EYS: variants seen among roughly 807,000 people sequenced by gnomAD.
The protein encoded by EYS is EGF-like photoreceptor maintenance factor, also known as protein eyes shut homolog.
A neutral mutation model predicts 282.1 loss-of-function variants in EYS; 250 were observed. The ratio of observed to expected loss-of-function variants is 0.89; its 90% confidence interval spans 0.80 to 0.98. The LOEUF (loss-of-function observed/expected upper bound fraction) is 0.98, where lower values mean the gene tolerates loss of function less well. Among genes scored for constraint, EYS ranks in the 50% least tolerant of loss-of-function variants. The probability of loss-of-function intolerance (pLI) is 0.00; values close to 1 mark genes in which losing one functional copy is unlikely to be tolerated. For missense variants in EYS, 4,016 were observed against 3,709.0 expected (o/e 1.08, Z -2.15); for synonymous variants, 1,355 against 1,282.9 (o/e 1.06, Z -1.20).
intron 29 of EYS, among the ~76,000 whole-genome samples, chr6:64,339,864 T>C (rs927425638): frequency 1.3e-5 from 2 of 151,524 alleles, no homozygotes; most frequent in Admixed American, 6.6e-5. Flanking sequence ...CACAAAGGCA[T>C]AGGAATGATA....
intron 31 of EYS, among the ~76,000 whole-genome samples, chr6:64,153,460 T>C (rs1184918813): frequency 6.6e-6 from 1 of 152,156 alleles, no homozygotes; most frequent in Non-Finnish European, 1.5e-5. Context: ...TCTGTTTTCA[T>C]TGGAATACAC....
At chr6:64,902,045 A>G (rs371575344) in intron 18 of EYS, 68 bp downstream of exon 18, 1 of 1,021,614 alleles carries the variant, frequency 9.8e-7, no homozygotes, top group Non-Finnish European at 1.4e-6. Flanking sequence ...TAATGAGCAC[A>G]TGTGTGCTCA....
intron 11 of EYS, among the ~76,000 whole-genome samples, chr6:65,314,218 T>C (rs566411323): frequency 6.6e-6 from 1 of 151,666 alleles, no homozygotes; most frequent in African/African-American, 2.4e-5. Context: ...GATCACCCCA[T>C]TTAAAATCGA....
intron 36 of EYS, among the ~76,000 whole-genome samples, chr6:63,841,451 G>C (rs1297604059): frequency 6.6e-6 from 1 of 151,990 alleles, no homozygotes. Flanking sequence ...CTATAAAATG[G>C]GGATAATAGT....
chr6:64,204,854 C>A (rs2150324213), intron 31 of EYS, among the ~76,000 whole-genome samples: 1 of 152,170 alleles, frequency 6.6e-6, no homozygotes, highest in African/African-American at 2.4e-5. Context: ...CTCAAAGAAA[C>A]AATTTGCAAG....
intron 29 of EYS, among the ~76,000 whole-genome samples, chr6:64,351,654 G>T (rs2150403621): frequency 6.6e-6 from 1 of 151,560 alleles, no homozygotes; most frequent in East Asian, 2.0e-4. Flanking sequence ...ATTTGCTTCA[G>T]TGGACTACAA....
intron 2 of EYS, among the ~76,000 whole-genome samples, chr6:65,633,467 C>A (rs1766987681): frequency 6.6e-6 from 1 of 152,160 alleles, no homozygotes; most frequent in African/African-American, 2.4e-5. Context: ...TCATTTAATT[C>A]TCCCACTAAT....
At chr6:63,932,023 C>A (rs748886252) in intron 35 of EYS, among the ~76,000 whole-genome samples, 1 of 151,968 alleles carries the variant, frequency 6.6e-6, no homozygotes, top group Non-Finnish European at 1.5e-5. Context: ...TGAGAACATG[C>A]GGTTTCTATA....
At chr6:63,861,623 G>A (rs143750484) in intron 36 of EYS, among the ~76,000 whole-genome samples, 125 of 152,226 alleles carry the variant, frequency 8.2e-4, no homozygotes, top group African/African-American at 2.8e-3. Flanking sequence ...GAGTGTTTAT[G>A]TGCCCCCTAG....
intron 29 of EYS, among the ~76,000 whole-genome samples, chr6:64,383,725 T>C (rs1772821888): frequency 1.3e-5 from 2 of 152,270 alleles, no homozygotes; most frequent in Middle Eastern, 3.4e-3. Context: ...GGACAGAAAA[T>C]GAGGACAGGG....
At chr6:64,555,317 G>T (rs984096276) in intron 26 of EYS, among the ~76,000 whole-genome samples, 5 of 151,794 alleles carry the variant, frequency 3.3e-5, no homozygotes, top group Non-Finnish European at 5.9e-5. Flanking sequence ...CTTTGAAGGG[G>T]TAGAGAGGAG....
At chr6:64,500,753 A>T (rs1045614433) in intron 26 of EYS, among the ~76,000 whole-genome samples, 7 of 152,110 alleles carry the variant, frequency 4.6e-5, no homozygotes, top group African/African-American at 1.2e-4. Context: ...CAGAGACTTA[A>T]ATGGATTATT....
chr6:64,165,047 T>A (rs1207586616), intron 31 of EYS, among the ~76,000 whole-genome samples: 1 of 152,124 alleles, frequency 6.6e-6, no homozygotes, highest in Admixed American at 6.6e-5. Flanking sequence ...ACATTTCTAG[T>A]AAAAATGACG....
At chr6:63,955,505 C>T (rs1396051067) in intron 35 of EYS, among the ~76,000 whole-genome samples, 2 of 152,092 alleles carry the variant, frequency 1.3e-5, no homozygotes, top group South Asian at 2.1e-4. Flanking sequence ...TCTACCTCTC[C>T]CCAGCTATCT....
intron 36 of EYS, among the ~76,000 whole-genome samples, chr6:63,818,758 T>G (rs1271045917): frequency 6.6e-6 from 1 of 152,168 alleles, no homozygotes; most frequent in Non-Finnish European, 1.5e-5. Flanking sequence ...ATTATTCCAA[T>G]TAGCCAATCT....
intron 2 of EYS, among the ~76,000 whole-genome samples, chr6:65,598,743 T>G (rs1303568907): frequency 1.3e-5 from 2 of 152,044 alleles, no homozygotes; most frequent in Non-Finnish European, 2.9e-5. Flanking sequence ...GCAAGAGAAA[T>G]AGTGTTATGG....
rs74673928 is a variant in EYS at position 64,372,560 on chromosome 6, T to C, written c.6078+16130A>G. On this transcript the variant is annotated intron_variant, in intron 29 of 42. Coordinates refer to ENST00000503581, the MANE Select transcript of EYS (RefSeq NM_001142800.2). ...GGATGGTGTAGTATTTTGCAGGGTTTCTCTGCATTTTGATTTGAATGTTGA... is the reference window on the plus strand; with the variant it reads ...GGATGGTGTAGTATTTTGCAGGGTTCCTCTGCATTTTGATTTGAATGTTGA... 8.2e-3 allele frequency among the ~76,000 whole-genome samples: 1,251 copies of C among 152,244 alleles called. 19 individuals carry two copies. Among genetic ancestry groups the C allele is most frequent in the African/African-American group, 0.029 (1,214 of 41,530 alleles).
chr6:64,112,344 T>C (rs1773230804), intron 31 of EYS, among the ~76,000 whole-genome samples: 1 of 152,050 alleles, frequency 6.6e-6, no homozygotes, highest in South Asian at 2.1e-4. Flanking sequence ...AATTGATTTT[T>C]CCCAAAGCAG....
At chr6:63,939,704 T>C (rs948931127) in intron 35 of EYS, among the ~76,000 whole-genome samples, 28 of 152,024 alleles carry the variant, frequency 1.8e-4, no homozygotes, top group Non-Finnish European at 3.2e-4. Context: ...CCCAGAAATA[T>C]TGAAAAAAAA....
Sources: allele counts gnomAD v4.1 joint callset (sites outside exome capture counted in the v4.1 genomes callset), GRCh38; gene constraint gnomAD v4.1.1; transcripts MANE v1.5; gene names NCBI Gene and HGNC (gene_info 2026-07-23, HGNC 2026-07-21).